PDE7B: variants seen among roughly 807,000 people sequenced by gnomAD.
The protein encoded by PDE7B is 3',5'-cyclic-AMP phosphodiesterase 7B.
PDE7B carries 29 observed loss-of-function variants against 56.2 expected under a neutral mutation model. The ratio of observed to expected loss-of-function variants is 0.52; its 90% CI spans 0.38 to 0.70. PDE7B has a LOEUF of 0.70. PDE7B is among the 30% of genes least tolerant of loss of function. The pLI is 0.00. For missense variants in PDE7B, 490 were observed against 565.0 expected, an observed-to-expected ratio of 0.87 and a Z score of 1.35; for synonymous variants, 197 against 196.9, an observed-to-expected ratio of 1.00 and a Z score of 0.00.
At chr6:135,915,686 G>A (rs944834342) in intron 1 of PDE7B, among the ~76,000 whole-genome samples, 1 of 152,104 alleles carries the variant, frequency 6.6e-6, no homozygotes, top group Non-Finnish European at 1.5e-5. Context: ...CCCGGAAATC[G>A]CTCTATGCTC....
Position 135,902,340 on chromosome 6 carries a change from T to TTTTTTC in PDE7B, c.22-45120_22-45119insTCTTTT, listed in dbSNP as rs1355603589. On this transcript the variant is annotated intron_variant, in intron 1 of 12. Coordinates refer to ENST00000308191, the MANE Select transcript of PDE7B (RefSeq NM_018945.4). ...GGCTCATTATGTGAAGGTTTTTTTT[T>TTTTTTC]TTTTCTTTTTTTAAAGAACAACTGC... Among the ~76,000 whole-genome samples the TTTTTTC allele has an allele frequency of 3.3e-5, 5 of 151,798 alleles. No homozygotes were observed. The East Asian group carries it at 9.7e-4, about 29-fold the overall frequency.
chr6:135,860,764 T>A (rs796675300), intron 1 of PDE7B, among the ~76,000 whole-genome samples: 1 of 152,010 alleles, frequency 6.6e-6, no homozygotes, highest in South Asian at 2.1e-4. Flanking sequence ...TGCTTTCAAG[T>A]TTTAGAAATT....
intron 2 of PDE7B, among the ~76,000 whole-genome samples, chr6:136,071,555 A>C (rs1777050769): frequency 6.6e-6 from 1 of 152,246 alleles, no homozygotes; most frequent in African/African-American, 2.4e-5. Context: ...GAGATAGTTC[A>C]TTTCACCATT....
intron 1 of PDE7B, among the ~76,000 whole-genome samples, chr6:135,852,741 C>T (rs1774961824): frequency 6.6e-6 from 1 of 152,114 alleles, no homozygotes; most frequent in South Asian, 2.1e-4. Flanking sequence ...TGCAAATTTG[C>T]TAATTATCTT....
chr6:136,001,387 C>T (rs962292707), intron 2 of PDE7B, among the ~76,000 whole-genome samples: 14 of 152,102 alleles, frequency 9.2e-5, no homozygotes, highest in South Asian at 2.1e-4. Context: ...ATGCTTCAGA[C>T]GATCAAACTA....
At chr6:135,869,109 T>G (rs1258469138) in intron 1 of PDE7B, among the ~76,000 whole-genome samples, 4 of 152,174 alleles carry the variant, frequency 2.6e-5, no homozygotes, top group Non-Finnish European at 5.9e-5. Context: ...TAAAACCAGA[T>G]GACTGGTATA....
chr6:135,914,405 C>T (rs574059559), intron 1 of PDE7B, among the ~76,000 whole-genome samples: 1 of 151,460 alleles, frequency 6.6e-6, no homozygotes, highest in Non-Finnish European at 1.5e-5. Flanking sequence ...TGCTTTCTGT[C>T]CCTATAGATC....
chr6:135,995,043 C>A (rs1270678945), intron 2 of PDE7B, among the ~76,000 whole-genome samples: 1 of 152,146 alleles, frequency 6.6e-6, no homozygotes, highest in Non-Finnish European at 1.5e-5. Context: ...ACCTATCCAT[C>A]CTGCTTCTTC....
chr6:135,915,447 T>A lies in PDE7B; in HGVS notation c.22-32017T>A, dbSNP rs572369213. Among the ~76,000 whole-genome samples the A allele has an allele frequency of 5.3e-5, 8 of 152,370 alleles. No homozygotes were observed. In the South Asian group the frequency reaches 1.7e-3, roughly 32 times the overall value. The stretch of plus-strand genomic sequence containing the variant: ...GATAATCCACATCTTTGCCAGTATT[T>A]GATGTTGTCAATCTTTTTAATTTTA... On this transcript the variant is annotated intron_variant, in intron 1 of 12. Transcript: ENST00000308191.
chr6:135,864,588 T>A (rs1775215627), intron 1 of PDE7B, among the ~76,000 whole-genome samples: 1 of 152,148 alleles, frequency 6.6e-6, no homozygotes, highest in Non-Finnish European at 1.5e-5. Context: ...AATCTGTCCA[T>A]TTCCTCTGTT....
intron 2 of PDE7B, among the ~76,000 whole-genome samples, chr6:136,039,260 C>G (rs1776376708): frequency 6.6e-6 from 1 of 151,920 alleles, no homozygotes. Flanking sequence ...TGGGAAGGAT[C>G]CCAAGGGGCT....
intron 3 of PDE7B, among the ~76,000 whole-genome samples, chr6:136,127,059 TTGAGCTTACCTA>T (rs1400320414): frequency 2.0e-5 from 3 of 152,150 alleles, no homozygotes; most frequent in Non-Finnish European, 4.4e-5. Context: ...AAACAAAACT[TTGAGCTTACCTA>T]TCAGAGAAAT....
rs542232291 is a variant in PDE7B at position 136,056,512 on chromosome 6, C to CTTT, written c.83-52184_83-52182dup. 4.1e-4 allele frequency among the ~76,000 whole-genome samples: 22 copies of CTTT among 53,938 alleles called. 6 individuals are homozygous for CTTT. The highest frequency in any genetic ancestry group is 1.5e-3 in the African/African-American group (16 of 10,482). The allele number at this position is 53,938 out of a possible 152,430, so 35.4% of individuals were successfully genotyped here. A position where few individuals can be genotyped will look rare whatever the true frequency, so the allele number is the denominator to read the frequency against. ...TCTGAGCTCCTTTGCAGATAGAATC[C>CTTT]TTTTTTTTTTTTTTTTTTTTTTTTT... is the stretch of plus-strand genomic sequence containing the variant. On this transcript the variant is annotated intron_variant, in intron 2 of 12. Transcript: ENST00000308191.
chr6:136,112,746 C>T (rs1035433098), intron 3 of PDE7B: 5 of 151,952 alleles, frequency 3.3e-5, no homozygotes, highest in African/African-American at 9.7e-5. Flanking sequence ...ATTTTAAATT[C>T]CAATTTAAAA....
Position 136,147,345 on chromosome 6 carries a change from C to T in PDE7B, c.167-6C>T. On this transcript the variant is annotated splice_polypyrimidine_tract_variant and splice_region_variant and intron_variant, in intron 3 of 12. Coordinates refer to ENST00000308191, the MANE Select transcript of PDE7B (RefSeq NM_018945.4). ...ATAAATTTCTTGACTTGATGACTTT[C>T]CACAGGTACAACATACTCAGGGGAG... The T allele has an allele frequency of 6.3e-7, 1 of 1,597,972 alleles. No homozygotes were observed.
intron 2 of PDE7B, among the ~76,000 whole-genome samples, chr6:136,008,939 G>A (rs1177941044): frequency 6.6e-6 from 1 of 152,080 alleles, no homozygotes; most frequent in Non-Finnish European, 1.5e-5. Context: ...TATTGCCTAG[G>A]TTTTCTTCTA....
At chr6:136,163,706 G>T (rs1409650101) in intron 8 of PDE7B, among the ~76,000 whole-genome samples, 1 of 152,124 alleles carries the variant, frequency 6.6e-6, no homozygotes, top group Non-Finnish European at 1.5e-5. Context: ...TGCCATTTAG[G>T]AATTTCTTCT....
intron 2 of PDE7B, among the ~76,000 whole-genome samples, chr6:135,977,745 G>A (rs1775215293): frequency 1.3e-5 from 2 of 152,074 alleles, no homozygotes; most frequent in African/African-American, 4.8e-5. Flanking sequence ...AAAAACATTG[G>A]CTAATTCAGA....
chr6:135,979,355 C>T (rs1412823099), intron 2 of PDE7B, among the ~76,000 whole-genome samples: 1 of 151,838 alleles, frequency 6.6e-6, no homozygotes, highest in Non-Finnish European at 1.5e-5. Flanking sequence ...GGTTGTGTCT[C>T]TGCCCGGCTT....
Sources: allele counts gnomAD v4.1 joint callset (sites outside exome capture counted in the v4.1 genomes callset), GRCh38; gene constraint gnomAD v4.1.1; transcripts MANE v1.5; gene names NCBI Gene and HGNC (gene_info 2026-07-23, HGNC 2026-07-21).